DMD: variants seen among roughly 807,000 people sequenced by gnomAD.
DMD encodes dystrophin.
DMD carries 63 observed loss-of-function variants against 330.1 expected under a neutral mutation model. The ratio of observed to expected loss-of-function variants is 0.19; its 90% CI spans 0.16 to 0.24. The LOEUF is 0.24. Among genes scored for constraint, DMD ranks in the 10% least tolerant of loss-of-function variants. DMD has a pLI of 1.00. For synonymous variants in DMD, 1,223 were observed against 959.8 expected, an observed-to-expected ratio of 1.27 and a Z score of -5.07; for missense variants, 3,344 against 2,684.1, an observed-to-expected ratio of 1.25 and a Z score of -5.43.
intron 7 of DMD, among the ~76,000 whole-genome samples, chrX:32,772,256 C>T (rs1375064379): frequency 8.9e-6 from 1 of 112,681 alleles, no homozygotes; most frequent in African/African-American, 3.2e-5. Flanking sequence ...CACTTACATC[C>T]CACAAGATGA....
Position 31,514,108 on chromosome X carries a change from G to C in DMD, c.8218-6655C>G, listed in dbSNP as rs571344586. Among the ~76,000 whole-genome samples the C allele has an allele frequency of 2.1e-3, 232 of 111,929 alleles. 1 individual carries two copies. The highest frequency in any genetic ancestry group is 7.2e-3 in the African/African-American group (223 of 30,909). On this transcript the variant is annotated intron_variant, in intron 55 of 78. Coordinates refer to ENST00000357033, the MANE Select transcript of DMD (RefSeq NM_004006.3). ...AAGGATAACTATGTCAGCACACAAA[G>C]AGCAATTTCATGGTCTTATTAATAT...
chrX:32,793,485 G>T, intron 7 of DMD, among the ~76,000 whole-genome samples: 1 of 109,213 alleles, frequency 9.2e-6, no homozygotes, highest in Non-Finnish European at 1.9e-5. Context: ...AAGTATCAAT[G>T]AAATGAGAAG....
intron 1 of DMD, among the ~76,000 whole-genome samples, chrX:33,287,394 T>TA (rs908873911): frequency 3.7e-4 from 41 of 110,014 alleles, no homozygotes; most frequent in Non-Finnish European, 5.1e-4. Flanking sequence ...GTAATTACGA[T>TA]AAAAAAAACT....
chrX:33,107,974 A>C (rs2095306151), intron 1 of DMD, among the ~76,000 whole-genome samples: 1 of 111,438 alleles, frequency 9.0e-6, no homozygotes, highest in South Asian at 3.8e-4. Flanking sequence ...TAATTAAGGA[A>C]AATATGAATA....
intron 49 of DMD, among the ~76,000 whole-genome samples, chrX:31,832,324 C>T (rs1246763597): frequency 9.0e-6 from 1 of 111,187 alleles, no homozygotes; most frequent in Non-Finnish European, 1.9e-5. Context: ...AAAAATAAAC[C>T]CTAAGGAAGT....
At chrX:32,069,103 T>G (rs2096279038) in intron 44 of DMD, among the ~76,000 whole-genome samples, 1 of 111,779 alleles carries the variant, frequency 8.9e-6, no homozygotes, top group Non-Finnish European at 1.9e-5. Context: ...TAGGCATGTA[T>G]GTAAAATCAT....
At chrX:32,739,944 T>C (rs1306783419) in intron 7 of DMD, among the ~76,000 whole-genome samples, 2 of 110,483 alleles carry the variant, frequency 1.8e-5, no homozygotes, top group East Asian at 5.7e-4. Flanking sequence ...ACCCTTGTTT[T>C]AAGGGATGTG....
intron 44 of DMD, among the ~76,000 whole-genome samples, chrX:32,055,777 C>A (rs1161845191): frequency 9.0e-6 from 1 of 111,697 alleles, no homozygotes; most frequent in Non-Finnish European, 1.9e-5. Context: ...AAGAACTTGA[C>A]ATTTTATATA....
rs182272577 is a variant in DMD at position 33,087,384 on chromosome X, G to A, written c.32-67184C>T. Among the ~76,000 whole-genome samples, 5 of 112,166 alleles carry A rather than the reference G, an allele frequency of 4.5e-5. No individual in the cohort carries two copies. The East Asian group carries it at 1.1e-3, about 25-fold the overall frequency. On this transcript the variant is annotated intron_variant, in intron 1 of 78. Coordinates refer to ENST00000357033, the MANE Select transcript of DMD (RefSeq NM_004006.3). Reference sequence around the variant, plus strand: ...ATCTAGCATTTAGTTCATATGGCGAGACCAATTGTGAGAACTTAAAATACA... The same window carrying A: ...ATCTAGCATTTAGTTCATATGGCGAAACCAATTGTGAGAACTTAAAATACA...
rs765980395 is a variant in DMD, at chrX:32,176,132, G to T, written c.6438+40784C>A. ...ATCATTACATGGCTGACTCTAGTTTGTCCATCAGTTCTTCTTCAAAATCAC... is the reference window on the plus strand; with the variant it reads ...ATCATTACATGGCTGACTCTAGTTTTTCCATCAGTTCTTCTTCAAAATCAC... On this transcript the variant is annotated intron_variant, in intron 44 of 78. Coordinates refer to ENST00000357033, the MANE Select transcript of DMD (RefSeq NM_004006.3). 2.0e-3 allele frequency among the ~76,000 whole-genome samples: 223 copies of T among 112,043 alleles called. 1 individual carries two copies. Among genetic ancestry groups the T allele is most frequent in the African/African-American group, 7.0e-3 (216 of 30,860 alleles).
At chrX:33,291,093 C>T (rs2053504631) in intron 1 of DMD, among the ~76,000 whole-genome samples, 1 of 111,300 alleles carries the variant, frequency 9.0e-6, no homozygotes, top group Non-Finnish European at 1.9e-5. Context: ...GGAAGCAAGG[C>T]TGGTTCAACA....
intron 55 of DMD, among the ~76,000 whole-genome samples, chrX:31,545,944 T>C (rs962204133): frequency 2.7e-5 from 3 of 111,923 alleles, no homozygotes; most frequent in Non-Finnish European, 5.6e-5. Context: ...TATATAGAGG[T>C]GACTCAGCTA....
intron 1 of DMD, among the ~76,000 whole-genome samples, chrX:33,320,359 A>C (rs1404683579): frequency 8.9e-6 from 1 of 111,948 alleles, no homozygotes; most frequent in African/African-American, 3.2e-5. Context: ...TATACCTTGG[A>C]GATACTGCAG....
At chrX:31,901,459 C>G (rs2094421285) in intron 47 of DMD, among the ~76,000 whole-genome samples, 1 of 111,595 alleles carries the variant, frequency 9.0e-6, no homozygotes, top group South Asian at 3.7e-4. Flanking sequence ...CATTTTGCTT[C>G]TGCTATAGTT....
At chrX:31,897,227 C>A (rs1422308588) in intron 47 of DMD, among the ~76,000 whole-genome samples, 3 of 111,589 alleles carry the variant, frequency 2.7e-5, no homozygotes, top group Non-Finnish European at 3.8e-5. Context: ...CCAATTTCAC[C>A]CATGTGCCTA....
intron 55 of DMD, among the ~76,000 whole-genome samples, chrX:31,523,920 T>C (rs925169507): frequency 3.9e-5 from 4 of 103,338 alleles, no homozygotes; most frequent in African/African-American, 1.2e-4. Flanking sequence ...ATCTTTCTTA[T>C]GTGCTTTCCA....
intron 2 of DMD, among the ~76,000 whole-genome samples, chrX:32,948,849 T>G (rs1323401063): frequency 8.9e-6 from 1 of 112,015 alleles, no homozygotes; most frequent in Non-Finnish European, 1.9e-5. Flanking sequence ...ATTTTTAAAG[T>G]CCTTTAAATA....
intron 30 of DMD, among the ~76,000 whole-genome samples, chrX:32,405,406 C>T (rs985238099): frequency 3.6e-5 from 4 of 111,791 alleles, no homozygotes; most frequent in African/African-American, 1.3e-4. Flanking sequence ...CCAAGGAACA[C>T]GCATAGGTTG....
Position 32,386,331 on chromosome X carries a change from A to C in DMD, c.4653T>G (p.His1551Gln), listed in dbSNP as rs1254145716. 1 of 1,209,158 alleles carries C rather than the reference A, an allele frequency of 8.3e-7. No homozygotes were observed. Among genetic ancestry groups the C allele is most frequent in the Non-Finnish European group, 1.1e-6 (1 of 893,760 alleles). The change falls in exon 33 of 79, where the codon CAT becomes CAG. Residue 1551 changes from histidine to glutamine, a missense_variant. By Grantham distance (24) the His-to-Gln change is conservative. Coordinates refer to ENST00000357033, the MANE Select transcript of DMD (RefSeq NM_004006.3). ...ACACCTTTGCTCCCAGCTCATTATAATGCAATTTCAAAGCTGTTACTCTTT... is the reference window on the plus strand; with the variant it reads ...ACACCTTTGCTCCCAGCTCATTATACTGCAATTTCAAAGCTGTTACTCTTT... Reference protein sequence around the residue: ...LDERVTALKLHYNELGAKVTE... With the variant: ...LDERVTALKLQYNELGAKVTE...
Sources: allele counts gnomAD v4.1 joint callset (sites outside exome capture counted in the v4.1 genomes callset), GRCh38; gene constraint gnomAD v4.1.1; transcripts MANE v1.5; gene names NCBI Gene and HGNC (gene_info 2026-07-23, HGNC 2026-07-21).